The following PARD3B variants were observed in gnomAD, a reference collection of about 807,000 sequenced individuals.
PARD3B encodes the protein par-3 family cell polarity regulator beta, also known as partitioning defective 3 homolog B.
Under a neutral mutation model 130.2 loss-of-function variants are expected in PARD3B, and 103 were observed. The observed-to-expected ratio is 0.79, with a 90% CI of 0.67 to 0.93. The LOEUF (loss-of-function observed/expected upper bound fraction) is 0.93. PARD3B is among the 40% of genes least tolerant of loss of function. PARD3B has a pLI of 0.00. For missense variants in PARD3B, 1,609 were observed against 1,499.2 expected, an observed-to-expected ratio of 1.07 and a Z score of -1.21; for synonymous variants, 583 against 553.2, an observed-to-expected ratio of 1.05 and a Z score of -0.76.
chr2:204,644,209 T>C (rs1405519763), intron 1 of PARD3B, among the ~76,000 whole-genome samples: 1 of 152,200 alleles, frequency 6.6e-6, no homozygotes, highest in African/African-American at 2.4e-5. Flanking sequence ...GTTGAAATTA[T>C]GCTTCCTGTT....
intron 2 of PARD3B, among the ~76,000 whole-genome samples, chr2:204,922,062 G>T (rs2047701984): frequency 6.6e-6 from 1 of 152,122 alleles, no homozygotes; most frequent in African/African-American, 2.4e-5. Flanking sequence ...ACCAGCAGAA[G>T]TATGAGTGGG....
Position 205,258,645 on chromosome 2 carries a change from G to T in PARD3B, c.2185+12823G>T, listed in dbSNP as rs1181944342. On this transcript the variant is annotated intron_variant, in intron 16 of 22. Transcript: ENST00000406610. This position sits in a 1 kb window ranked among gnomAD's most constrained non-coding sequence, Gnocchi z 4.9. ...GTGGCACACGGCAGGCATCCTTTAC[G>T]TAGTACTTGCTAAATCTTTTTTCTT... Among the ~76,000 whole-genome samples the T allele has an allele frequency of 6.6e-6, 1 of 152,096 alleles. No individual in the cohort carries two copies. The highest frequency in any genetic ancestry group is 1.5e-5 in the Non-Finnish European group (1 of 68,010).
chr2:204,607,189 G>A (rs895955374), intron 1 of PARD3B, among the ~76,000 whole-genome samples: 1 of 152,136 alleles, frequency 6.6e-6, no homozygotes, highest in Non-Finnish European at 1.5e-5. Flanking sequence ...AATATTCAGT[G>A]CCTCAAAGTT....
chr2:205,461,306 C>G lies in PARD3B; in HGVS notation c.3044+20634C>G, dbSNP rs1480943075. On this transcript the variant is annotated intron_variant, in intron 20 of 22. Coordinates refer to ENST00000406610, the MANE Select transcript of PARD3B (RefSeq NM_001302769.2). This position sits in a 1 kb window ranked among gnomAD's most constrained non-coding sequence, Gnocchi z 4.3. ...GGGGATGCCCTGATGTGGAAAGGAA[C>G]TTGGCATGTGTGAAGAAGTGAAAGA... Among the ~76,000 whole-genome samples the G allele has an allele frequency of 1.3e-5, 2 of 152,168 alleles. No homozygotes were observed. The highest frequency in any genetic ancestry group is 2.9e-5 in the Non-Finnish European group (2 of 68,034).
At chr2:205,323,849 G>T (rs984820472) in intron 18 of PARD3B, among the ~76,000 whole-genome samples, 7 of 152,164 alleles carry the variant, frequency 4.6e-5, no homozygotes, top group African/African-American at 1.7e-4. Context: ...ATTAAAGATT[G>T]TCTTCTTTCT....
intron 2 of PARD3B, among the ~76,000 whole-genome samples, chr2:204,865,466 G>C (rs2045371008): frequency 6.6e-6 from 1 of 152,160 alleles, no homozygotes; most frequent in Non-Finnish European, 1.5e-5. Flanking sequence ...AAAAAGGAAT[G>C]AAATAATGGC....
At chr2:205,412,047 T>C (rs1309988734) in intron 19 of PARD3B, among the ~76,000 whole-genome samples, 1 of 152,210 alleles carries the variant, frequency 6.6e-6, no homozygotes, top group East Asian at 1.9e-4. Context: ...GCAACTCCGA[T>C]CTGCTAATAT....
chr2:205,367,808 T>TTTTCTGTGTTTGAGTTTATGTGGTTAAG (rs2044664781), intron 18 of PARD3B, among the ~76,000 whole-genome samples: 1 of 152,316 alleles, frequency 6.6e-6, no homozygotes, highest in South Asian at 2.1e-4. Flanking sequence ...GTGGGATGCC[T>TTTTCTGTGTTTGAGTTTATGTGGTTAAG]TTTCTGTGTT....
intron 19 of PARD3B, among the ~76,000 whole-genome samples, chr2:205,416,713 A>T (rs111929253): frequency 1.3e-5 from 2 of 151,968 alleles, no homozygotes; most frequent in Non-Finnish European, 1.5e-5. Flanking sequence ...TTGATGCATT[A>T]AAAAAAATCA....
At chr2:204,672,677 C>T (rs995780838) in intron 1 of PARD3B, among the ~76,000 whole-genome samples, 4 of 152,092 alleles carry the variant, frequency 2.6e-5, no homozygotes, top group African/African-American at 9.7e-5. Flanking sequence ...AGCGTTTCTT[C>T]CCAAATTTTT....
chr2:204,727,829 G>C (rs2039304982), intron 2 of PARD3B, among the ~76,000 whole-genome samples: 1 of 152,156 alleles, frequency 6.6e-6, no homozygotes, highest in Admixed American at 6.5e-5. Context: ...TTGGCCCTCT[G>C]ATGTCGAAAA....
At chr2:205,339,009 T>A (rs1286948592) in intron 18 of PARD3B, among the ~76,000 whole-genome samples, 1 of 152,196 alleles carries the variant, frequency 6.6e-6, no homozygotes, top group Non-Finnish European at 1.5e-5. Context: ...TAGGCATATA[T>A]CTCTGGTAGC....
rs1232247941 is a variant in PARD3B at position 205,341,127 on chromosome 2, C to G, written c.2630+39426C>G. Among the ~76,000 whole-genome samples the G allele has an allele frequency of 6.6e-6, 1 of 152,004 alleles. No homozygotes were observed. Among genetic ancestry groups the G allele is most frequent in the Non-Finnish European group, 1.5e-5 (1 of 67,956 alleles). Reference sequence around the variant, plus strand: ...AAAAAATGCTAAAGAAAAGGGAACTCTTAGACACTGTTGGTGGGGATGTAA... The same window carrying G: ...AAAAAATGCTAAAGAAAAGGGAACTGTTAGACACTGTTGGTGGGGATGTAA... On this transcript the variant is annotated intron_variant, in intron 18 of 22. Coordinates refer to ENST00000406610, the MANE Select transcript of PARD3B (RefSeq NM_001302769.2). This position sits in a 1 kb window ranked among gnomAD's most constrained non-coding sequence, Gnocchi z 4.3.
chr2:205,052,878 C>T (rs1699326244), intron 4 of PARD3B, among the ~76,000 whole-genome samples: 1 of 152,100 alleles, frequency 6.6e-6, no homozygotes, highest in Non-Finnish European at 1.5e-5. Context: ...AGTATCAACA[C>T]AATTATTAGC....
intron 16 of PARD3B, among the ~76,000 whole-genome samples, chr2:205,247,976 T>A (rs2125923212): frequency 6.6e-6 from 1 of 152,150 alleles, no homozygotes; most frequent in East Asian, 1.9e-4. Flanking sequence ...TCACCCAGGC[T>A]GGAGTGCAAT....
intron 1 of PARD3B, among the ~76,000 whole-genome samples, chr2:204,627,248 A>G (rs2034519207): frequency 6.6e-6 from 1 of 152,184 alleles, no homozygotes; most frequent in Non-Finnish European, 1.5e-5. Flanking sequence ...TCTTTATGGC[A>G]GTGTGAAAAC....
At chr2:204,956,775 C>T (rs1029776342) in intron 2 of PARD3B, among the ~76,000 whole-genome samples, 3 of 152,022 alleles carry the variant, frequency 2.0e-5, no homozygotes, top group Admixed American at 6.6e-5. Context: ...TTAAATTATG[C>T]GCAATTCATG....
intron 2 of PARD3B, among the ~76,000 whole-genome samples, chr2:204,929,198 G>A (rs1001698759): frequency 2.6e-5 from 4 of 151,822 alleles, no homozygotes; most frequent in African/African-American, 9.7e-5. Context: ...AGAATTTGCT[G>A]TTAATAAAAG....
chr2:204,965,269 G>T lies in PARD3B; in HGVS notation c.340G>T (p.Ala114Ser), dbSNP rs1453410362. ...FETEVAAQLA[A>S]FKPIGGEIEV... ...GACAGAAGTGGCCGCCCAACTGGCC[G>T]CATTTAAGCCAATTGGTGGGGAGAT... The change falls in exon 3 of 23, where the codon GCA becomes TCA. Residue 114 changes from alanine to serine, a missense_variant. Coordinates refer to ENST00000406610, the MANE Select transcript of PARD3B (RefSeq NM_001302769.2). 1.9e-6 allele frequency: 3 copies of T among 1,613,716 alleles called. No homozygotes were observed. Among genetic ancestry groups the T allele is most frequent in the Admixed American group, 1.7e-5 (1 of 59,962 alleles).
Sources: gnomAD v4.1 joint callset for allele counts (sites outside exome capture counted in the v4.1 genomes callset) on GRCh38, gnomAD v4.1.1 for gene constraint, Gnocchi (gnomAD v3.1) non-coding constraint, MANE v1.5 for transcripts, NCBI Gene and HGNC (gene_info 2026-07-23, HGNC 2026-07-21) for gene names.